Variants in TRPC4 observed in about 807,000 individuals in gnomAD.
TRPC4 encodes transient receptor potential cation channel subfamily C member 4.
Under a neutral mutation model 99.4 loss-of-function variants are expected in TRPC4, and 49 were observed. That is an observed-to-expected ratio of 0.49 (90% CI 0.39 to 0.63). The LOEUF (loss-of-function observed/expected upper bound fraction) is 0.63, where lower values mean the gene tolerates loss of function less well. TRPC4 is among the 20% of genes least tolerant of loss of function. TRPC4 has a pLI of 0.00. For missense variants in TRPC4, 898 were observed against 1,152.9 expected, an observed-to-expected ratio of 0.78 and a Z score of 3.20; for synonymous variants, 454 against 425.9, an observed-to-expected ratio of 1.07 and a Z score of -0.81.
At position 37,637,259 on chromosome 13, in the gene TRPC4, T is replaced by A. The variant is rs576235368; in HGVS notation, c.2578A>T (p.Asn860Tyr). The change falls in exon 11 of 11, where the codon AAT becomes TAT. Residue 860 changes from asparagine to tyrosine, a missense_variant. Physicochemically the swap from Asn to Tyr is moderately radical, Grantham distance 143. Coordinates refer to ENST00000379705, the MANE Select transcript of TRPC4 (RefSeq NM_016179.4). ...RRSKQNAAEQ[N>Y]ANQIFSVSEE... ...GAAACAGAGAAGATTTGGTTTGCAT[T>A]TTGCTCAGCAGCATTTTGTTTTGAT... 1.2e-6 allele frequency: 2 copies of A among 1,613,916 alleles called. No individual in the cohort carries two copies. The highest frequency in any genetic ancestry group is 2.7e-5 in the African/African-American group (2 of 75,050).
intron 1 of TRPC4, among the ~76,000 whole-genome samples, chr13:37,845,328 A>G (rs1958861580): frequency 6.6e-6 from 1 of 152,210 alleles, no homozygotes; most frequent in South Asian, 2.1e-4. Flanking sequence ...GGAGATCTAT[A>G]AAATGACTAA....
rs1951508045 is a variant in TRPC4 at position 37,636,057 on chromosome 13, G to T, written c.*846C>A. Among the ~76,000 whole-genome samples, 2 of 151,868 alleles carry T rather than the reference G, an allele frequency of 1.3e-5. No individual in the cohort carries two copies. The highest frequency in any genetic ancestry group is 4.2e-4 in the South Asian group (2 of 4,818). ...GATATTATTAGTATGTAATCATCTTGCTTGTTTAAGATACTTACAATATTA... is the reference window on the plus strand; with the variant it reads ...GATATTATTAGTATGTAATCATCTTTCTTGTTTAAGATACTTACAATATTA... On this transcript the variant is annotated 3_prime_UTR_variant, in exon 11 of 11. Coordinates refer to ENST00000379705, the MANE Select transcript of TRPC4 (RefSeq NM_016179.4).
intron 4 of TRPC4, among the ~76,000 whole-genome samples, chr13:37,677,033 G>T (rs1037954237): frequency 6.6e-6 from 1 of 151,796 alleles, no homozygotes; most frequent in African/African-American, 2.4e-5. Context: ...TATTGTAATT[G>T]TCAACATAGG....
intron 6 of TRPC4, among the ~76,000 whole-genome samples, chr13:37,661,528 A>G (rs879405549): frequency 3.9e-5 from 6 of 152,222 alleles, no homozygotes; most frequent in Non-Finnish European, 5.9e-5. Context: ...TGGAAGGCAA[A>G]GGAGGAAGTC....
chr13:37,841,750 G>A (rs1047281688), intron 1 of TRPC4, among the ~76,000 whole-genome samples: 4 of 152,074 alleles, frequency 2.6e-5, no homozygotes, highest in African/African-American at 4.8e-5. Flanking sequence ...AAATGCTGGT[G>A]AGGAGGTGAA....
chr13:37,814,065 TA>T (rs1263835867), intron 1 of TRPC4, among the ~76,000 whole-genome samples: 1 of 151,546 alleles, frequency 6.6e-6, no homozygotes, highest in Non-Finnish European at 1.5e-5. Context: ...ATCAATACAA[TA>T]AAAAAACCCA....
At chr13:37,835,670 T>C (rs925613005) in intron 1 of TRPC4, among the ~76,000 whole-genome samples, 2 of 152,082 alleles carry the variant, frequency 1.3e-5, no homozygotes, top group East Asian at 1.9e-4. Flanking sequence ...TATAAGTGAG[T>C]AGCCAAAAAA....
chr13:37,851,116 A>G (rs1748619383), intron 1 of TRPC4, among the ~76,000 whole-genome samples: 1 of 152,206 alleles, frequency 6.6e-6, no homozygotes, highest in Admixed American at 6.5e-5. Context: ...GTCAAGGCCC[A>G]CAGGCCCCAC....
chr13:37,689,818 A>G (rs777642526), intron 4 of TRPC4, among the ~76,000 whole-genome samples: 17 of 152,304 alleles, frequency 1.1e-4, no homozygotes, highest in Admixed American at 2.6e-4. Flanking sequence ...ATTTTATGAC[A>G]TTATATCACA....
At chr13:37,805,382 CCT>C (rs1025889359) in intron 1 of TRPC4, among the ~76,000 whole-genome samples, 1 of 151,738 alleles carries the variant, frequency 6.6e-6, no homozygotes, top group African/African-American at 2.4e-5. Flanking sequence ...GTATATATAC[CCT>C]GTCTCCTTTC....
chr13:37,642,444 G>A (rs1951743816), intron 8 of TRPC4, among the ~76,000 whole-genome samples: 3 of 152,176 alleles, frequency 2.0e-5, no homozygotes. Context: ...TCATTTGGTC[G>A]AGTTACAGAG....
intron 1 of TRPC4, among the ~76,000 whole-genome samples, chr13:37,833,736 T>C (rs1958486154): frequency 6.6e-6 from 1 of 152,188 alleles, no homozygotes; most frequent in South Asian, 2.1e-4. Context: ...TCTGTGGTTG[T>C]GGGGCCTTTT....
intron 1 of TRPC4, among the ~76,000 whole-genome samples, chr13:37,865,043 A>G (rs1233291358): frequency 6.6e-6 from 1 of 151,894 alleles, no homozygotes; most frequent in East Asian, 1.9e-4. Context: ...ATATTCAAAG[A>G]AAGTATTCCT....
At chr13:37,717,827 C>T (rs1040516919) in intron 3 of TRPC4, among the ~76,000 whole-genome samples, 3 of 151,916 alleles carry the variant, frequency 2.0e-5, no homozygotes, top group Admixed American at 2.0e-4. Flanking sequence ...AGACCAACCC[C>T]CCCGAAAAGA....
chr13:37,656,738 G>A (rs1227186643), intron 6 of TRPC4, among the ~76,000 whole-genome samples: 1 of 152,186 alleles, frequency 6.6e-6, no homozygotes, highest in African/African-American at 2.4e-5. Context: ...CCAAAGGTTT[G>A]AGACAGCACA....
At chr13:37,656,386 A>G (rs892430066) in intron 6 of TRPC4, among the ~76,000 whole-genome samples, 2 of 152,172 alleles carry the variant, frequency 1.3e-5, no homozygotes, top group Non-Finnish European at 2.9e-5. Flanking sequence ...GGAGATTAGC[A>G]TTAGATTGGA....
At chr13:37,849,538 A>C (rs532783348) in intron 1 of TRPC4, among the ~76,000 whole-genome samples, 1 of 152,288 alleles carries the variant, frequency 6.6e-6, no homozygotes, top group East Asian at 1.9e-4. Flanking sequence ...CTTGGACATG[A>C]CCAAGCAGCC....
intron 3 of TRPC4, among the ~76,000 whole-genome samples, chr13:37,741,948 A>G (rs559508720): frequency 2.0e-5 from 3 of 149,328 alleles, no homozygotes; most frequent in East Asian, 3.9e-4. Flanking sequence ...AAAAAAAAAC[A>G]GCAACAAATA....
chr13:37,714,311 G>A (rs1206044495), intron 3 of TRPC4, among the ~76,000 whole-genome samples: 1 of 151,994 alleles, frequency 6.6e-6, no homozygotes, highest in Non-Finnish European at 1.5e-5. Flanking sequence ...ATTTTCAGTA[G>A]AGACAGGGTT....
Sources: gnomAD v4.1 joint callset for allele counts (sites outside exome capture counted in the v4.1 genomes callset) on GRCh38, gnomAD v4.1.1 for gene constraint, MANE v1.5 for transcripts, NCBI Gene and HGNC (gene_info 2026-07-23, HGNC 2026-07-21) for gene names.